Variants in NUP98 observed in about 807,000 individuals in gnomAD.
The protein encoded by NUP98 is nucleoporin 98 and 96 precursor.
Under a neutral mutation model 191.9 loss-of-function variants are expected in NUP98, and 26 were observed. The observed-to-expected ratio is 0.14, with a 90% CI of 0.10 to 0.19. NUP98 has a LOEUF of 0.19. Ranked by LOEUF, NUP98 falls within the 10% of genes least tolerant of loss-of-function variation. The pLI is 1.00. For synonymous variants in NUP98, 808 were observed against 778.4 expected (o/e 1.04, Z -0.63); for missense variants, 1,941 against 2,178.8 (o/e 0.89, Z 2.17).
At chr11:3,791,043 C>T (rs1306191410) in intron 1 of NUP98, among the ~76,000 whole-genome samples, 1 of 151,828 alleles carries the variant, frequency 6.6e-6, no homozygotes, top group Non-Finnish European at 1.5e-5. Flanking sequence ...TTACAGGCGC[C>T]CGCCACCACG....
intron 13 of NUP98, among the ~76,000 whole-genome samples, chr11:3,732,092 A>C (rs1244486419): frequency 6.6e-6 from 1 of 152,216 alleles, no homozygotes; most frequent in Non-Finnish European, 1.5e-5. Context: ...CAAGATAATG[A>C]ATCTGTTAGC....
chr11:3,705,460 G>T, intron 21 of NUP98, 104 bp from the exon 22 acceptor site: 1 of 1,091,158 alleles, frequency 9.2e-7, no homozygotes, highest in Non-Finnish European at 1.3e-6. Context: ...TCCTCCTCAA[G>T]GCTGTGTACA....
chr11:3,758,076 G>C (rs1322613587), intron 10 of NUP98, among the ~76,000 whole-genome samples: 2 of 152,048 alleles, frequency 1.3e-5, no homozygotes, highest in Non-Finnish European at 2.9e-5. Context: ...CCAGCACTTT[G>C]GGAGGCCAAT....
intron 25 of NUP98, 108 bp downstream of exon 25, chr11:3,698,974 A>G: frequency 1.6e-6 from 2 of 1,250,468 alleles, no homozygotes; most frequent in South Asian, 2.8e-5. Context: ...CGCAATTAAT[A>G]CTCATAGGCT....
intron 12 of NUP98, among the ~76,000 whole-genome samples, chr11:3,741,100 T>C (rs1249562740): frequency 1.3e-5 from 2 of 150,928 alleles, no homozygotes; most frequent in East Asian, 3.9e-4. Flanking sequence ...GGGATTACAG[T>C]CATGAGCCAC....
chr11:3,738,107 A>G (rs867280202), intron 12 of NUP98, among the ~76,000 whole-genome samples: 1 of 147,570 alleles, frequency 6.8e-6, no homozygotes, highest in African/African-American at 2.4e-5. Flanking sequence ...AAAAAAAAAA[A>G]CCAAAGACTT....
At chr11:3,736,171 A>G (rs1051377463) in intron 12 of NUP98, among the ~76,000 whole-genome samples, 1 of 151,740 alleles carries the variant, frequency 6.6e-6, no homozygotes, top group African/African-American at 2.4e-5. Flanking sequence ...AAATTGAACT[A>G]TCTGCCCACC....
At chr11:3,717,832 A>G (rs758696408) in intron 18 of NUP98, among the ~76,000 whole-genome samples, 8 of 151,850 alleles carry the variant, frequency 5.3e-5, no homozygotes, top group Non-Finnish European at 1.0e-4. Flanking sequence ...CTGTATTATG[A>G]TGATGATGAT....
chr11:3,709,992 AG>A (rs2134156293), intron 20 of NUP98, among the ~76,000 whole-genome samples: 1 of 140,914 alleles, frequency 7.1e-6, no homozygotes, highest in African/African-American at 2.5e-5. Flanking sequence ...AAAAAAAAAA[AG>A]TTTACAAAAA....
chr11:3,700,265 T>C (rs1161600125), intron 24 of NUP98, among the ~76,000 whole-genome samples: 3 of 96,680 alleles, frequency 3.1e-5, no homozygotes, highest in East Asian at 6.1e-4. Flanking sequence ...TGAGACTCCG[T>C]CTCAAAAAAA....
intron 1 of NUP98, among the ~76,000 whole-genome samples, chr11:3,795,670 C>G (rs962981142): frequency 6.6e-6 from 1 of 151,688 alleles, no homozygotes; most frequent in Non-Finnish European, 1.5e-5. Flanking sequence ...TTTTACCAGC[C>G]TAATTAAAAA....
chr11:3,773,791 T>C, intron 5 of NUP98, 52 bp from the exon 6 acceptor site: 1 of 1,037,402 alleles, frequency 9.6e-7, no homozygotes, highest in South Asian at 1.3e-5. Flanking sequence ...ACATTCCTAC[T>C]CTCTCAGATA....
intron 10 of NUP98, 143 bp downstream of exon 10, chr11:3,760,395 CT>C: frequency 7.8e-7 from 1 of 1,287,996 alleles, no homozygotes. Flanking sequence ...TACCTGAGAA[CT>C]TTTAAATATT....
At chr11:3,784,631 G>A (rs1040647645) in intron 1 of NUP98, among the ~76,000 whole-genome samples, 2 of 149,446 alleles carry the variant, frequency 1.3e-5, no homozygotes, top group Non-Finnish European at 3.0e-5. Context: ...ACACCTGTAC[G>A]AAGCTCCAGC....
intron 13 of NUP98, among the ~76,000 whole-genome samples, chr11:3,734,733 G>A (rs879567624): frequency 1.2e-4 from 19 of 152,136 alleles, no homozygotes; most frequent in Non-Finnish European, 2.5e-4. Context: ...TATGATTTGA[G>A]GAAAGTCAGC....
At chr11:3,782,467 G>C (rs2082001137) in intron 1 of NUP98, among the ~76,000 whole-genome samples, 1 of 148,900 alleles carries the variant, frequency 6.7e-6, no homozygotes, top group Non-Finnish European at 1.5e-5. Flanking sequence ...AATATTTCAG[G>C]TCTACAAGGC....
Position 3,769,577 on chromosome 11 carries a change from A to C in NUP98, c.785-833T>G, listed in dbSNP as rs1487939014. ...GTCAACAAAGTGGGATTCTGTCTCA[A>C]AAAAAAAAAAAAAAAAAAAAGCATA... On this transcript the variant is annotated intron_variant, in intron 7 of 32. Transcript: ENST00000324932. Among the ~76,000 whole-genome samples, 509 of 91,796 alleles carry C rather than the reference A, an allele frequency of 5.5e-3. 2 individuals carry two copies. Among genetic ancestry groups the C allele is most frequent in the African/African-American group, 0.022 (477 of 21,814 alleles). The allele number at this position is 91,796 out of a possible 152,430, so 60.2% of individuals were successfully genotyped here.
intron 24 of NUP98, 40 bp from the exon 25 acceptor site, chr11:3,699,388 C>A: frequency 6.2e-7 from 1 of 1,602,434 alleles, no homozygotes; most frequent in South Asian, 1.1e-5. Context: ...GAGACAAAGT[C>A]TTACAACAAC....
chr11:3,704,023 A>G (rs576627294), intron 22 of NUP98, among the ~76,000 whole-genome samples: 1 of 152,036 alleles, frequency 6.6e-6, no homozygotes, highest in Non-Finnish European at 1.5e-5. Flanking sequence ...CTGTTTCCCA[A>G]TTTTACGTGG....
Sources: gnomAD v4.1 joint callset for allele counts (sites outside exome capture counted in the v4.1 genomes callset) on GRCh38, gnomAD v4.1.1 for gene constraint, MANE v1.5 for transcripts, NCBI Gene and HGNC (gene_info 2026-07-23, HGNC 2026-07-21) for gene names.